The following GRIA1 variants were observed in gnomAD, a reference collection of about 807,000 sequenced individuals.
GRIA1 encodes the protein glutamate receptor 1.
GRIA1 carries 31 observed loss-of-function variants against 99.2 expected under a neutral mutation model. The observed-to-expected ratio is 0.31, with a 90% confidence interval of 0.23 to 0.42. The LOEUF is 0.42. GRIA1 is among the 10% of genes least tolerant of loss of function. The pLI is 1.00. For synonymous variants in GRIA1, 438 were observed against 432.4 expected (o/e 1.01, Z -0.16); for missense variants, 782 against 1,157.5 (o/e 0.68, Z 4.71).
At chr5:153,549,580 C>T (rs979969304) in intron 2 of GRIA1, among the ~76,000 whole-genome samples, 7 of 152,076 alleles carry the variant, frequency 4.6e-5, no homozygotes, top group Non-Finnish European at 7.4e-5. Flanking sequence ...TTCTAAAGAG[C>T]TCAAGGCAAC....
Position 153,758,767 on chromosome 5 carries a change from A to C in GRIA1, c.1824-5667A>C, listed in dbSNP as rs114690960. Among the ~76,000 whole-genome samples the C allele has an allele frequency of 6.1e-3, 921 of 152,128 alleles. 10 individuals carry two copies. Among genetic ancestry groups the C allele is most frequent in the African/African-American group, 0.021 (880 of 41,552 alleles). On this transcript the variant is annotated intron_variant, in intron 11 of 15. Coordinates refer to ENST00000285900, the MANE Select transcript of GRIA1 (RefSeq NM_000827.4). ...ATTCAAGAGTTGTAGGATATACGTT[A>C]TTTGCAACAGAACATAGAACAGTCT...
intron 2 of GRIA1, among the ~76,000 whole-genome samples, chr5:153,603,138 G>T (rs577714733): frequency 1.1e-4 from 17 of 150,042 alleles, no homozygotes; most frequent in African/African-American, 4.2e-4. Context: ...TGTTCTCATT[G>T]TTCAATTCCC....
intron 2 of GRIA1, among the ~76,000 whole-genome samples, chr5:153,510,273 G>T (rs1302007650): frequency 1.3e-5 from 2 of 152,178 alleles, no homozygotes; most frequent in Non-Finnish European, 2.9e-5. Context: ...GAACTGCTCT[G>T]GGAAAGTGAA....
intron 2 of GRIA1, among the ~76,000 whole-genome samples, chr5:153,554,033 A>G (rs1249892514): frequency 2.0e-5 from 3 of 152,148 alleles, no homozygotes; most frequent in African/African-American, 4.8e-5. Context: ...TAATTATGAA[A>G]TAGAAGAGCT....
At chr5:153,667,519 A>G (rs968719853) in intron 5 of GRIA1, among the ~76,000 whole-genome samples, 2 of 152,202 alleles carry the variant, frequency 1.3e-5, no homozygotes, top group Non-Finnish European at 2.9e-5. Context: ...GATAATGATA[A>G]TGGTGAATGT....
chr5:153,596,978 G>C (rs1207502089), intron 2 of GRIA1, among the ~76,000 whole-genome samples: 1 of 152,190 alleles, frequency 6.6e-6, no homozygotes, highest in Non-Finnish European at 1.5e-5. Context: ...AATGGTCTGA[G>C]CTCACCCGGT....
intron 5 of GRIA1, among the ~76,000 whole-genome samples, chr5:153,663,027 C>T (rs1265889612): frequency 6.6e-6 from 1 of 152,094 alleles, no homozygotes; most frequent in Non-Finnish European, 1.5e-5. Context: ...TGCCCAGAGC[C>T]TTTGGAAGGA....
chr5:153,545,535 T>A (rs1290925277), intron 2 of GRIA1, among the ~76,000 whole-genome samples: 2 of 152,186 alleles, frequency 1.3e-5, no homozygotes, highest in East Asian at 3.9e-4. Flanking sequence ...AAGAACATAC[T>A]GGAGGGAGAA....
chr5:153,504,367 C>G (rs1561591751), intron 2 of GRIA1, among the ~76,000 whole-genome samples: 1 of 150,958 alleles, frequency 6.6e-6, no homozygotes, highest in Non-Finnish European at 1.5e-5. Flanking sequence ...TATACACTAT[C>G]TATATATAGA....
chr5:153,609,902 C>T (rs1765829810), intron 2 of GRIA1, among the ~76,000 whole-genome samples: 1 of 152,022 alleles, frequency 6.6e-6, no homozygotes, highest in South Asian at 2.1e-4. Flanking sequence ...ACAATTTGAT[C>T]ATCCTAGGTT....
intron 2 of GRIA1, among the ~76,000 whole-genome samples, chr5:153,539,111 C>T (rs1428577105): frequency 1.3e-5 from 2 of 152,182 alleles, no homozygotes; most frequent in Non-Finnish European, 2.9e-5. Flanking sequence ...CACAACCCTT[C>T]TCCTATCTTC....
At chr5:153,654,549 T>A (rs894387518) in intron 4 of GRIA1, among the ~76,000 whole-genome samples, 1 of 152,194 alleles carries the variant, frequency 6.6e-6, no homozygotes, top group Non-Finnish European at 1.5e-5. Flanking sequence ...ATCCCAATAG[T>A]ATTTGAGCTC....
intron 14 of GRIA1, chr5:153,795,348 T>C: frequency 1.6e-6 from 1 of 608,772 alleles, no homozygotes; most frequent in East Asian, 3.0e-5. Flanking sequence ...AGATGGAGTA[T>C]TTTAGAGTAT....
In GRIA1 at chr5:153,506,178, G is replaced by A. The variant is rs142480491; in HGVS notation, c.220+12113G>A. ...CCAAGACTAGATGGTCTCAGGCATT[G>A]GAAGCCACTGAGCATAGCAAGGCAG... On this transcript the variant is annotated intron_variant, in intron 2 of 15. Coordinates refer to ENST00000285900, the MANE Select transcript of GRIA1 (RefSeq NM_000827.4). Among the ~76,000 whole-genome samples the A allele has an allele frequency of 5.6e-3, 849 of 152,242 alleles. 12 individuals are homozygous for A. The highest frequency in any genetic ancestry group is 0.019 in the African/African-American group (809 of 41,534).
chr5:153,659,671 T>C (rs1397309173), intron 5 of GRIA1, among the ~76,000 whole-genome samples: 3 of 152,208 alleles, frequency 2.0e-5, no homozygotes, highest in African/African-American at 7.2e-5. Context: ...AACAAGCGAA[T>C]GCTTCAGTGC....
At chr5:153,634,481 G>C (rs1244622384) in intron 2 of GRIA1, among the ~76,000 whole-genome samples, 2 of 152,054 alleles carry the variant, frequency 1.3e-5, no homozygotes, top group Non-Finnish European at 2.9e-5. Context: ...AAACCTCAAG[G>C]CAAGAAAGTC....
At chr5:153,489,802 A>G (rs1402770184), upstream of GRIA1, 3 of 456,602 alleles carry the variant, frequency 6.6e-6, no homozygotes, top group African/African-American at 4.0e-5. Context: ...TCCTCTCACT[A>G]GAATCCCTGC....
At chr5:153,603,547 C>A (rs1351465584) in intron 2 of GRIA1, among the ~76,000 whole-genome samples, 2 of 151,966 alleles carry the variant, frequency 1.3e-5, no homozygotes, top group African/African-American at 4.8e-5. Context: ...AAAACAGTTA[C>A]CAGTATTTAT....
intron 2 of GRIA1, among the ~76,000 whole-genome samples, chr5:153,507,211 C>G (rs1402139233): frequency 1.3e-5 from 2 of 152,116 alleles, no homozygotes; most frequent in African/African-American, 4.8e-5. Context: ...AATTTCTCAT[C>G]AGCAAATCCA....
Sources: allele counts gnomAD v4.1 joint callset (sites outside exome capture counted in the v4.1 genomes callset), GRCh38; gene constraint gnomAD v4.1.1; transcripts MANE v1.5; gene names NCBI Gene and HGNC (gene_info 2026-07-23, HGNC 2026-07-21).